Variants in CDH4 observed in about 807,000 individuals in gnomAD.
CDH4 encodes the protein cadherin-4.
In CDH4, 33 loss-of-function variants were observed where a neutral mutation model predicts 86.0. That is an observed-to-expected ratio of 0.38 (90% CI 0.29 to 0.51). The LOEUF (loss-of-function observed/expected upper bound fraction) is 0.51, where lower values mean the gene tolerates loss of function less well. Ranked by LOEUF, CDH4 falls within the 20% of genes least tolerant of loss-of-function variation. The probability of loss-of-function intolerance (pLI) is 0.86; values close to 1 mark genes in which losing one functional copy is unlikely to be tolerated. For synonymous variants in CDH4, 555 were observed against 549.4 expected, an observed-to-expected ratio of 1.01 and a Z score of -0.14; for missense variants, 1,114 against 1,307.4, an observed-to-expected ratio of 0.85 and a Z score of 2.28.
intron 4 of CDH4, among the ~76,000 whole-genome samples, chr20:61,797,043 A>AG (rs1455396993): frequency 6.7e-6 from 1 of 149,710 alleles, no homozygotes; most frequent in East Asian, 2.0e-4. Context: ...GCCGGGTAAG[A>AG]GGGGGTGAGA....
Position 61,868,595 on chromosome 20 carries a change from C to T in CDH4, c.878-5133C>T, listed in dbSNP as rs559982763. 2.3e-4 allele frequency among the ~76,000 whole-genome samples: 35 copies of T among 152,344 alleles called. No homozygotes were observed. The South Asian group carries it at 7.2e-3, about 32-fold the overall frequency. ...CAAACCAGGCGATTATACCTCCATG[C>T]TGGGCAGATGTCCCCTCCACGCTGG... On this transcript the variant is annotated intron_variant, in intron 6 of 15. Coordinates refer to ENST00000614565, the MANE Select transcript of CDH4 (RefSeq NM_001794.5).
chr20:61,519,617 C>T (rs1230399773), intron 2 of CDH4, among the ~76,000 whole-genome samples: 2 of 152,250 alleles, frequency 1.3e-5, no homozygotes, highest in Non-Finnish European at 2.9e-5. Context: ...ATAGCACTGG[C>T]CAGGCAGCGC....
intron 2 of CDH4, among the ~76,000 whole-genome samples, chr20:61,464,993 A>G (rs2085464769): frequency 6.6e-6 from 1 of 152,366 alleles, no homozygotes; most frequent in Middle Eastern, 3.4e-3. Flanking sequence ...TGGATCTTTT[A>G]TTAAGTAGGC....
At chr20:61,306,897 C>T (rs369379428) in intron 2 of CDH4, among the ~76,000 whole-genome samples, 7 of 152,222 alleles carry the variant, frequency 4.6e-5, no homozygotes, top group Admixed American at 1.3e-4. Flanking sequence ...TTTCCTGAGC[C>T]GTGTTTGGGG....
intron 2 of CDH4, among the ~76,000 whole-genome samples, chr20:61,733,092 G>A (rs1423805353): frequency 6.6e-6 from 1 of 152,102 alleles, no homozygotes; most frequent in Non-Finnish European, 1.5e-5. Context: ...CAGGAAAGCA[G>A]TGGCCCAGGG....
At chr20:61,744,561 TGGAGGGAGAGAGAGAAGGAAAG>T (rs1433711383) in intron 3 of CDH4, among the ~76,000 whole-genome samples, 2 of 76,272 alleles carry the variant, frequency 2.6e-5, no homozygotes, top group East Asian at 3.9e-4. Flanking sequence ...TGGAGAGAGG[TGGAGGGAGAGAGAGAAGGAAAG>T]GGAGGGAGAG....
At position 61,387,493 on chromosome 20, in the gene CDH4, C is replaced by G. The variant is rs188209056; in HGVS notation, c.169+132556C>G. Among the ~76,000 whole-genome samples the G allele has an allele frequency of 2.3e-3, 356 of 152,182 alleles. 2 individuals carry two copies. The highest frequency in any genetic ancestry group is 4.0e-3 in the Non-Finnish European group (271 of 68,008). On this transcript the variant is annotated intron_variant, in intron 2 of 15. Coordinates refer to ENST00000614565, the MANE Select transcript of CDH4 (RefSeq NM_001794.5). Reference sequence around the variant, plus strand: ...ACATACATATACACACACAGCCACACAAATATACACAGAGGCACACATATA... The same window carrying G: ...ACATACATATACACACACAGCCACAGAAATATACACAGAGGCACACATATA...
intron 2 of CDH4, among the ~76,000 whole-genome samples, chr20:61,542,918 C>T (rs555246505): frequency 1.8e-4 from 27 of 152,308 alleles, no homozygotes; most frequent in African/African-American, 6.3e-4. Flanking sequence ...GTAGGGAAGC[C>T]GACAGTGCAG....
chr20:61,375,767 T>A (rs1475216687), intron 2 of CDH4, among the ~76,000 whole-genome samples: 10 of 126,440 alleles, frequency 7.9e-5, no homozygotes, highest in Non-Finnish European at 1.5e-4. Context: ...GTGGTGCTGG[T>A]GGTGGTCATA....
intron 11 of CDH4, among the ~76,000 whole-genome samples, chr20:61,925,265 G>A (rs528106266): frequency 3.7e-4 from 56 of 152,276 alleles, no homozygotes; most frequent in Middle Eastern, 3.4e-3. Context: ...GTAACCCTGC[G>A]AACTGGCCGA....
intron 2 of CDH4, chr20:61,740,786 C>A (rs1163264747): frequency 6.6e-6 from 1 of 152,206 alleles, no homozygotes; most frequent in South Asian, 2.1e-4. Context: ...ACACAGAGGT[C>A]GTGTTTGGAG....
rs2086794937 is a variant in CDH4, at chr20:61,623,240, T to C, written c.170-120323T>C. ...CCCCACCTGCCACGCTGCACCCCACTCACCACACTGCGGCGCCTGCTTTTT... is the reference window on the plus strand; with the variant it reads ...CCCCACCTGCCACGCTGCACCCCACCCACCACACTGCGGCGCCTGCTTTTT... On this transcript the variant is annotated intron_variant, in intron 2 of 15. Coordinates refer to ENST00000614565, the MANE Select transcript of CDH4 (RefSeq NM_001794.5). The surrounding 1 kb of genome is among the most constrained non-coding windows in gnomAD (Gnocchi z 4.4). 6.6e-6 allele frequency among the ~76,000 whole-genome samples: 1 copy of C among 152,068 alleles called. No homozygotes were observed. The highest frequency in any genetic ancestry group is 1.5e-5 in the Non-Finnish European group (1 of 68,006).
intron 4 of CDH4, among the ~76,000 whole-genome samples, chr20:61,802,976 T>TGGGGAGGCAGAGGAGGC (rs1433462510): frequency 6.6e-6 from 1 of 152,216 alleles, no homozygotes; most frequent in African/African-American, 2.4e-5. Context: ...ACATGGCAGC[T>TGGGGAGGCAGAGGAGGC]GGGGAGGCAG....
chr20:61,570,189 G>C (rs2086331595), intron 2 of CDH4: 1 of 161,420 alleles, frequency 6.2e-6, no homozygotes. Context: ...AAGGCATTGA[G>C]ACTATAATTC....
chr20:61,447,441 T>C (rs1013834192), intron 2 of CDH4, among the ~76,000 whole-genome samples: 2 of 151,638 alleles, frequency 1.3e-5, no homozygotes, highest in African/African-American at 4.8e-5. Flanking sequence ...TCCAAAGTGC[T>C]GAAATTACAG....
chr20:61,490,065 G>C (rs2085617620), intron 2 of CDH4, among the ~76,000 whole-genome samples: 1 of 152,104 alleles, frequency 6.6e-6, no homozygotes, highest in South Asian at 2.1e-4. Context: ...ATTGGTTCTT[G>C]GTTTTTGTTT....
chr20:61,909,214 T>A (rs530661914), intron 8 of CDH4, among the ~76,000 whole-genome samples: 2 of 152,302 alleles, frequency 1.3e-5, no homozygotes, highest in East Asian at 3.9e-4. Flanking sequence ...AGCAGCCCTG[T>A]CCTGATGCTC....
At chr20:61,716,193 A>G (rs1213439809) in intron 2 of CDH4, among the ~76,000 whole-genome samples, 122 of 117,090 alleles carry the variant, frequency 1.0e-3, no homozygotes, top group African/African-American at 2.1e-3. Context: ...GGCTGGAGCT[A>G]TAAAGGGGCA....
chr20:61,931,252 T>C (rs2055105314), intron 13 of CDH4, among the ~76,000 whole-genome samples: 1 of 152,170 alleles, frequency 6.6e-6, no homozygotes, highest in South Asian at 2.1e-4. Flanking sequence ...AGGCCCGGGC[T>C]CCAGGCTCCA....
Sources: gnomAD v4.1 joint callset for allele counts (sites outside exome capture counted in the v4.1 genomes callset) on GRCh38, gnomAD v4.1.1 for gene constraint, Gnocchi (gnomAD v3.1) non-coding constraint, MANE v1.5 for transcripts, NCBI Gene and HGNC (gene_info 2026-07-23, HGNC 2026-07-21) for gene names.